Variants in HAUS6 observed in about 807,000 individuals in gnomAD.
HAUS6 encodes the protein HAUS augmin like complex subunit 6, also known as HAUS augmin-like complex subunit 6.
Under a neutral mutation model 106.8 loss-of-function variants are expected in HAUS6, and 80 were observed. That is an observed-to-expected ratio of 0.75 (90% CI 0.63 to 0.90). The LOEUF (loss-of-function observed/expected upper bound fraction) is 0.90, where lower values mean the gene tolerates loss of function less well. Among genes scored for constraint, HAUS6 ranks in the 40% least tolerant of loss-of-function variants. The pLI is 0.00. For missense variants in HAUS6, 1,155 were observed against 1,118.1 expected (o/e 1.03, Z -0.47); for synonymous variants, 356 against 379.1 (o/e 0.94, Z 0.71).
Position 19,058,810 on chromosome 9 carries a change from A to T in HAUS6, c.1957T>A (p.Leu653Met). The T allele has an allele frequency of 6.2e-7, 1 of 1,614,222 alleles. No homozygotes were observed. Among genetic ancestry groups the T allele is most frequent in the Non-Finnish European group, 8.5e-7 (1 of 1,180,034 alleles). Residue 653 changes from leucine (L) to methionine (M), a missense_variant, in exon 16 of 17, where the codon TTG becomes ATG. By Grantham distance (15) the Leu-to-Met change is conservative. Around this residue, in one of 3 missense-constraint regions of HAUS6, gnomAD observed 380 missense variants for 394.8 expected, o/e 0.96. Transcript: ENST00000380502. ...TCTGAAATAACTTTCTCTTCAGTCA[A>T]ATGAGACTGGCCAAAATCTGATACA... ...TTVSDFGQSH[L>M]TEEKVISDCE...
chr9:19,092,916 CAA>C (rs71494998), intron 4 of HAUS6, among the ~76,000 whole-genome samples: 17 of 76,190 alleles, frequency 2.2e-4, no homozygotes, highest in Non-Finnish European at 1.7e-4. Flanking sequence ...AACTGTGTCT[CAA>C]AAAAAAAAAA....
At position 19,094,351 on chromosome 9, in the gene HAUS6, C is replaced by T. The variant is rs1297343076; in HGVS notation, c.269G>A (p.Arg90Gln). Residue 90 changes from arginine to glutamine, a missense_variant, in exon 3 of 17, where the codon CGA becomes CAA. By Grantham distance (43) the Arg-to-Gln change is conservative. This residue lies in a region of HAUS6 where 761 missense variants were observed against 690.0 expected (regional missense o/e 1.10). Transcript: ENST00000380502. ...TTTTATCCATTCACAGCAATGTTTT[C>T]GGAATTCAGTGTCACTTTTTTGGTC... Reference protein sequence around the residue: ...PFDQKSDTEFRKHCCEWIKRI... With the variant: ...PFDQKSDTEFQKHCCEWIKRI... 9.3e-6 allele frequency: 15 copies of T among 1,607,082 alleles called. No individual in the cohort carries two copies. Among genetic ancestry groups the T allele is most frequent in the African/African-American group, 2.7e-5 (2 of 74,596 alleles).
chr9:19,054,685 C>G lies in HAUS6; in HGVS notation c.*1658G>C, dbSNP rs1206082826. Reference sequence around the variant, plus strand: ...AATCTCTACCCAAGTATATATGCAACAACGTACCTGCTTCTTAAAAGTACC... The same window carrying G: ...AATCTCTACCCAAGTATATATGCAAGAACGTACCTGCTTCTTAAAAGTACC... On this transcript the variant is annotated 3_prime_UTR_variant, in exon 17 of 17. Coordinates refer to ENST00000380502, the MANE Select transcript of HAUS6 (RefSeq NM_017645.5). The G allele has an allele frequency of 6.6e-6, 1 of 152,218 alleles. No homozygotes were observed. Among genetic ancestry groups the G allele is most frequent in the African/African-American group, 2.4e-5 (1 of 41,458 alleles). 9.4% of individuals were successfully genotyped at this position (152,218 alleles called of 1,614,324 possible).
rs541636091 is a variant in HAUS6, at chr9:19,096,554, G to A, written c.224+120C>T. 7.4e-5 allele frequency: 39 copies of A among 529,132 alleles called. 1 individual carries two copies. The highest frequency in any genetic ancestry group is 1.1e-4 in the Non-Finnish European group (35 of 317,140). The allele number at this position is 529,132 out of a possible 1,614,324, so 32.8% of individuals were successfully genotyped here. On this transcript the variant is annotated intron_variant, in intron 2 of 16. Transcript: ENST00000380502. The stretch of plus-strand genomic sequence containing the variant: ...CACTCCAGCCTCGATGACGGAGTGA[G>A]ACTCCGTCTCAAAAAAAAAAAAAAA...
At chr9:19,096,318 G>A (rs200251460) in intron 2 of HAUS6, among the ~76,000 whole-genome samples, 33 of 152,152 alleles carry the variant, frequency 2.2e-4, no homozygotes, top group Middle Eastern at 3.4e-3. Flanking sequence ...TAATCACAGC[G>A]CTTTGGGAGG....
chr9:19,098,013 T>G (rs1817899371), intron 1 of HAUS6, among the ~76,000 whole-genome samples: 1 of 152,212 alleles, frequency 6.6e-6, no homozygotes, highest in South Asian at 2.1e-4. Context: ...ACAAATGAAG[T>G]TCCATCTATC....
chr9:19,078,391 G>T, intron 9 of HAUS6, 89 bp from the exon 10 acceptor site: 1 of 743,096 alleles, frequency 1.3e-6, no homozygotes, highest in Non-Finnish European at 2.3e-6. Flanking sequence ...TTGTAGAGAA[G>T]TGGAAGGAAA....
chr9:19,075,935 G>A (rs1002935322), intron 11 of HAUS6, among the ~76,000 whole-genome samples: 1 of 151,346 alleles, frequency 6.6e-6, no homozygotes, highest in Non-Finnish European at 1.5e-5. Flanking sequence ...CTCCAGCCTG[G>A]GCAACAGAGC....
At chr9:19,097,971 T>G (rs993259593) in intron 1 of HAUS6, among the ~76,000 whole-genome samples, 5 of 152,234 alleles carry the variant, frequency 3.3e-5, no homozygotes, top group Admixed American at 3.3e-4. Context: ...ACAACACTTT[T>G]GTCCTTAGAA....
chr9:19,058,185 C>T lies in HAUS6; in HGVS notation c.2582G>A (p.Arg861Lys). 1.9e-6 allele frequency: 3 copies of T among 1,613,860 alleles called. No homozygotes were observed. Among genetic ancestry groups the T allele is most frequent in the Non-Finnish European group, 2.5e-6 (3 of 1,179,832 alleles). Residue 861 changes from arginine to lysine, a missense_variant, in exon 16 of 17, where the codon AGA (arginine) becomes AAA (lysine). Physicochemically the swap from Arg to Lys is conservative, Grantham distance 26. Transcript: ENST00000380502. ...AGTAGGGCTCAATTCTGGTTTGTGT[C>T]TTTCGGGTGTTTGGGAATTCGAGAG... ...SYLSNSQTPE[R>K]HKPELSPTPQ... is the part of the protein sequence containing the mutation.
At chr9:19,086,652 A>G (rs1348607204) in intron 7 of HAUS6, 82 bp downstream of exon 7, 6 of 661,688 alleles carry the variant, frequency 9.1e-6, no homozygotes, top group African/African-American at 7.5e-5. Context: ...TAAATAGACT[A>G]TAAGAGTCCC....
Position 19,099,756 on chromosome 9 carries a change from A to G in HAUS6, c.128+2768T>C, listed in dbSNP as rs975234043. On this transcript the variant is annotated intron_variant, in intron 1 of 16. Transcript: ENST00000380502. ...ATTTACAAATGCATCGAGCAATTTT[A>G]AAAGTAACTTTGGCAGGGTGCAGTG... Among the ~76,000 whole-genome samples the G allele has an allele frequency of 3.3e-5, 5 of 152,352 alleles. 1 individual carries two copies. The highest frequency in any genetic ancestry group is 1.3e-4 in the Admixed American group (2 of 15,294).
At chr9:19,080,708 A>AGAGATCGAGACCATCCCGGC (rs1837123205) in intron 8 of HAUS6, 36 bp from the exon 9 acceptor site, 1 of 1,199,488 alleles carries the variant, frequency 8.3e-7, no homozygotes, top group East Asian at 2.4e-5. Context: ...TTGGTGAACT[A>AGAGATCGAGACCATCCCGGC]TAGGTTGTTA....
In HAUS6 at chr9:19,053,543, T is replaced by G. The variant is rs1209188289; in HGVS notation, c.*2800A>C. 2 of 152,226 alleles carry G rather than the reference T, an allele frequency of 1.3e-5. No homozygotes were observed. Among genetic ancestry groups the G allele is most frequent in the African/African-American group, 4.8e-5 (2 of 41,474 alleles). The allele number at this position is 152,226 out of a possible 1,614,324, so 9.4% of individuals were successfully genotyped here. On this transcript the variant is annotated 3_prime_UTR_variant, in exon 17 of 17. Transcript: ENST00000380502. ...AATGTTAACTTCAGCTATTCTTTAT[T>G]CCACTTGATGACATTTTTCATGTTT... is the stretch of plus-strand genomic sequence containing the variant.
At chr9:19,100,462 G>A (rs1354012268) in intron 1 of HAUS6, among the ~76,000 whole-genome samples, 2 of 152,218 alleles carry the variant, frequency 1.3e-5, no homozygotes, top group East Asian at 3.8e-4. Flanking sequence ...CAGAGAAAAG[G>A]GAATGCTTGT....
At chr9:19,080,384 T>G in intron 9 of HAUS6, 95 bp downstream of exon 9, 1 of 743,008 alleles carries the variant, frequency 1.3e-6, no homozygotes, top group South Asian at 1.6e-5. Context: ...TCATACTTGT[T>G]TGCCAAAGCT....
chr9:19,090,464 A>C (rs1817721212), intron 4 of HAUS6, among the ~76,000 whole-genome samples: 1 of 152,000 alleles, frequency 6.6e-6, no homozygotes, highest in Non-Finnish European at 1.5e-5. Context: ...TCCAGGGTTC[A>C]CGCCATTCTC....
chr9:19,074,847 T>C (rs1836959978), intron 11 of HAUS6, among the ~76,000 whole-genome samples: 1 of 152,220 alleles, frequency 6.6e-6, no homozygotes, highest in Non-Finnish European at 1.5e-5. Flanking sequence ...CCTAATTGTC[T>C]TGTACACATG....
chr9:19,069,293 T>C lies in HAUS6; in HGVS notation c.1376+926A>G, dbSNP rs145837078. 3.5e-3 allele frequency among the ~76,000 whole-genome samples: 532 copies of C among 152,294 alleles called. 1 individual carries two copies. The highest frequency in any genetic ancestry group is 0.012 in the African/African-American group (508 of 41,572). Reference sequence around the variant, plus strand: ...TCCAAATAATCCCCATGAAACTCAATATTTAGATAAAGAATAGAAGAGGAA... The same window carrying C: ...TCCAAATAATCCCCATGAAACTCAACATTTAGATAAAGAATAGAAGAGGAA... On this transcript the variant is annotated intron_variant, in intron 12 of 16. Transcript: ENST00000380502.
Sources: allele counts gnomAD v4.1 joint callset (sites outside exome capture counted in the v4.1 genomes callset), GRCh38; gene constraint gnomAD v4.1.1; regional missense constraint gnomAD v4.1.1; transcripts MANE v1.5; gene names NCBI Gene and HGNC (gene_info 2026-07-23, HGNC 2026-07-21).